ZFYVE26: variants seen among roughly 807,000 people sequenced by gnomAD.
ZFYVE26 encodes zinc finger FYVE-type containing 26.
Under a neutral mutation model 276.5 loss-of-function variants are expected in ZFYVE26, and 181 were observed. That is an observed-to-expected ratio of 0.65 (90% CI 0.58 to 0.74). The LOEUF (loss-of-function observed/expected upper bound fraction) is 0.74, where lower values mean the gene tolerates loss of function less well. Among genes scored for constraint, ZFYVE26 ranks in the 30% least tolerant of loss-of-function variants. ZFYVE26 has a pLI of 0.00. For synonymous variants in ZFYVE26, 1,129 were observed against 1,203.1 expected (o/e 0.94, Z 1.27); for missense variants, 2,821 against 3,097.9 (o/e 0.91, Z 2.12).
At chr14:67,814,643 C>T (rs777873481) in intron 2 of ZFYVE26, among the ~76,000 whole-genome samples, 2 of 152,092 alleles carry the variant, frequency 1.3e-5, no homozygotes, top group African/African-American at 2.4e-5. Flanking sequence ...AAATAATATT[C>T]GAGAAAACCA....
chr14:67,793,883 G>C, intron 13 of ZFYVE26, 124 bp from the exon 14 acceptor site: 1 of 1,366,770 alleles, frequency 7.3e-7, no homozygotes, highest in Non-Finnish European at 1.0e-6. Context: ...CCTGTAAATA[G>C]GTCTTAATTT....
chr14:67,807,418 C>G lies in ZFYVE26; in HGVS notation c.866G>C (p.Arg289Thr). 6.2e-7 allele frequency: 1 copy of G among 1,614,200 alleles called. No homozygotes were observed. The highest frequency in any genetic ancestry group is 8.5e-7 in the Non-Finnish European group (1 of 1,180,046). Residue 289 changes from arginine to threonine, a missense_variant, in exon 5 of 42, where the codon AGG (arginine) becomes ACG (threonine). Physicochemically the swap from Arg to Thr is moderately conservative, Grantham distance 71. Transcript: ENST00000347230. ...YAEKVTEKPP[R>T]ATASGKVSPD... ...CACACCTTTTCCCGAGGCTGTAGCC[C>G]TCGGTGGCTTTTCTGTGACCTTCTC...
At chr14:67,772,751 T>G (rs1430457404) in intron 27 of ZFYVE26, among the ~76,000 whole-genome samples, 1 of 151,950 alleles carries the variant, frequency 6.6e-6, no homozygotes, top group Non-Finnish European at 1.5e-5. Flanking sequence ...CCTGGGCAAC[T>G]AGGCTGTCTC....
chr14:67,759,622 C>CAAAAAAAAAAAAAAAAAAAAA (rs10687512), intron 35 of ZFYVE26, among the ~76,000 whole-genome samples: 1 of 107,044 alleles, frequency 9.3e-6, no homozygotes, highest in African/African-American at 3.7e-5. Flanking sequence ...GACTCTGGCT[C>CAAAAAAAAAAAAAAAAAAAAA]AAAAAAAAAA....
chr14:67,812,549 T>C (rs994780733), intron 3 of ZFYVE26, among the ~76,000 whole-genome samples: 1 of 152,232 alleles, frequency 6.6e-6, no homozygotes, highest in Admixed American at 6.5e-5. Context: ...ATGGTGCTTA[T>C]ATAGTTTTAA....
intron 16 of ZFYVE26, among the ~76,000 whole-genome samples, chr14:67,789,041 C>T (rs1056389415): frequency 6.6e-6 from 1 of 152,148 alleles, no homozygotes; most frequent in Admixed American, 6.5e-5. Flanking sequence ...GTGAAGTTCA[C>T]CAAGGAGAAA....
At chr14:67,790,164 A>C (rs911558671) in intron 15 of ZFYVE26, among the ~76,000 whole-genome samples, 4 of 152,218 alleles carry the variant, frequency 2.6e-5, no homozygotes, top group Non-Finnish European at 5.9e-5. Context: ...AGACCTGTGA[A>C]TTCTAGGCCT....
chr14:67,810,980 A>T (rs2040288621), intron 3 of ZFYVE26, among the ~76,000 whole-genome samples: 1 of 152,198 alleles, frequency 6.6e-6, no homozygotes, highest in Non-Finnish European at 1.5e-5. Flanking sequence ...ACCACATCAG[A>T]GGCTAACATG....
In ZFYVE26 at chr14:67,781,529, T is replaced by A; in HGVS notation, c.4373A>T (p.Asp1458Val). ...AAACAGGTATTGCCAACCTTCTTTG[T>A]CTATAAGACAAAAAAGATGCTCAGA... Reference protein sequence around the residue: ...DAVLSCAVACDKEGWQYLFPV... With the variant: ...DAVLSCAVACVKEGWQYLFPV... The change falls in exon 22 of 42, where the codon GAC (aspartate) becomes GTC (valine). Residue 1458 changes from aspartate (D) to valine (V), a missense_variant and splice_region_variant. Asp to Val is a radical substitution (Grantham distance 152). Coordinates refer to ENST00000347230, the MANE Select transcript of ZFYVE26 (RefSeq NM_015346.4). 1 of 1,614,000 alleles carries A rather than the reference T, an allele frequency of 6.2e-7. No homozygotes were observed. Among genetic ancestry groups the A allele is most frequent in the Non-Finnish European group, 8.5e-7 (1 of 1,180,024 alleles).
intron 14 of ZFYVE26, among the ~76,000 whole-genome samples, chr14:67,792,137 T>C (rs2140235908): frequency 1.3e-5 from 2 of 151,950 alleles, no homozygotes; most frequent in African/African-American, 4.8e-5. Context: ...ATTATAATTA[T>C]CATTAAAGTA....
intron 34 of ZFYVE26, 170 bp from the exon 35 acceptor site, chr14:67,761,754 A>AT: frequency 1.9e-6 from 1 of 518,246 alleles, no homozygotes; most frequent in South Asian, 2.1e-5. Flanking sequence ...TTAAAGTATG[A>AT]TAAAAAAATA....
intron 22 of ZFYVE26, 49 bp from the exon 23 acceptor site, chr14:67,780,394 C>G: frequency 1.3e-6 from 2 of 1,528,226 alleles, no homozygotes; most frequent in Non-Finnish European, 1.8e-6. Flanking sequence ...GCTTCTCCCT[C>G]CATGAACAAG....
At chr14:67,741,905 T>A (rs1002538550), downstream of ZFYVE26, among the ~76,000 whole-genome samples, 2 of 152,210 alleles carry the variant, frequency 1.3e-5, no homozygotes, top group Non-Finnish European at 1.5e-5. Context: ...CCAGATAACT[T>A]TTAACATCCT....
At chr14:67,753,651 G>A (rs567933524) in intron 39 of ZFYVE26, 56 bp downstream of exon 39, 4 of 1,551,714 alleles carry the variant, frequency 2.6e-6, no homozygotes, top group Admixed American at 3.4e-5. Context: ...ATCTCTCCCG[G>A]AACTGTGGTC....
rs762917905 is a variant in ZFYVE26 at position 67,783,127 on chromosome 14, C to T, written c.4025G>A (p.Arg1342His). The change falls in exon 21 of 42, where the codon CGC becomes CAC. Residue 1342 changes from arginine (R) to histidine (H), a missense_variant. Arg to His is a conservative substitution (Grantham distance 29). Transcript: ENST00000347230. ...CTCTGCAGCCAGAGGCACCTCCCTG[C>T]GGCCACGAAGTTCCTTCCATGACAA... ...PSLSWKELRGRREVPLAAEQV... is the reference protein window; with the variant it reads ...PSLSWKELRGHREVPLAAEQV... The T allele has an allele frequency of 8.1e-6, 13 of 1,608,410 alleles. No individual in the cohort carries two copies. The highest frequency in any genetic ancestry group is 2.2e-5 in the East Asian group (1 of 44,788).
downstream of ZFYVE26, among the ~76,000 whole-genome samples, chr14:67,741,859 A>G (rs760521567): frequency 6.6e-5 from 10 of 152,200 alleles, no homozygotes; most frequent in Non-Finnish European, 1.5e-4. Context: ...TTCCCATGAC[A>G]AAGACTACAC....
chr14:67,739,141 T>G (rs1360356277), intron 13 of ZFYVE26, among the ~76,000 whole-genome samples: 1 of 152,170 alleles, frequency 6.6e-6, no homozygotes, highest in East Asian at 1.9e-4. Flanking sequence ...TGGTAGCTTC[T>G]AGGAAAGGCT....
Position 67,798,427 on chromosome 14 carries a change from C to A in ZFYVE26, c.1835G>T (p.Gly612Val). Residue 612 changes from glycine (G) to valine (V), a missense_variant, in exon 11 of 42, where the codon GGT (glycine) becomes GTT (valine). Transcript: ENST00000347230. ...DDDIEGKSPS[G>V]LRSPSESPQH... is the part of the protein sequence containing the mutation. ...AGGGCTCTCTGATGGGGACCTCAAA[C>A]CTGAGGGGCTCTTCCCCTCAATGTC... The A allele has an allele frequency of 1.9e-6, 3 of 1,613,830 alleles. No homozygotes were observed. Among genetic ancestry groups the A allele is most frequent in the East Asian group, 4.5e-5 (2 of 44,882 alleles).
intron 13 of ZFYVE26, 69 bp from the exon 14 acceptor site, chr14:67,793,828 A>ACTTC: frequency 1.2e-5 from 19 of 1,598,372 alleles, no homozygotes; most frequent in Non-Finnish European, 1.6e-5. Flanking sequence ...TATTGCTGCC[A>ACTTC]CCTCCCACCA....
Sources: allele counts gnomAD v4.1 joint callset (sites outside exome capture counted in the v4.1 genomes callset), GRCh38; gene constraint gnomAD v4.1.1; transcripts MANE v1.5; gene names NCBI Gene and HGNC (gene_info 2026-07-23, HGNC 2026-07-21).